Variants in SENP7 observed in about 807,000 individuals in gnomAD.
The protein encoded by SENP7 is sentrin-specific protease 7.
Under a neutral mutation model 141.2 loss-of-function variants are expected in SENP7, and 64 were observed. The observed-to-expected ratio is 0.45, with a 90% CI of 0.37 to 0.56. The LOEUF is 0.56. SENP7 is among the 20% of genes least tolerant of loss of function. The probability of loss-of-function intolerance (pLI) is 0.00; values close to 1 mark genes in which losing one functional copy is unlikely to be tolerated. For synonymous variants in SENP7, 382 were observed against 426.4 expected (o/e 0.90, Z 1.28); for missense variants, 1,025 against 1,212.2 (o/e 0.85, Z 2.29).
At chr3:101,427,951 G>GT (rs150999630) in intron 4 of SENP7, among the ~76,000 whole-genome samples, 20,965 of 151,946 alleles carry the variant, frequency 0.14, 1,477 homozygotes, top group South Asian at 0.18. Context: ...GCAGTGTTTT[G>GT]TTTTCTCTTC....
intron 11 of SENP7, chr3:101,359,277 C>T (rs978144019): frequency 1.3e-5 from 2 of 151,838 alleles, no homozygotes; most frequent in Non-Finnish European, 2.9e-5. Context: ...GCCATTAATG[C>T]TAGTGATTTT....
chr3:101,416,355 T>A (rs2107652426), intron 5 of SENP7, among the ~76,000 whole-genome samples: 1 of 152,278 alleles, frequency 6.6e-6, no homozygotes, highest in East Asian at 1.9e-4. Context: ...CTGTTCTGAT[T>A]GGAAAAAGGA....
chr3:101,450,912 T>C (rs1369892332), intron 4 of SENP7, among the ~76,000 whole-genome samples: 4 of 151,916 alleles, frequency 2.6e-5, no homozygotes, highest in Non-Finnish European at 4.4e-5. Context: ...TCAAAAAAAA[T>C]AAATGAATCC....
chr3:101,327,594 C>G, intron 23 of SENP7, 72 bp downstream of exon 23: 1 of 1,183,902 alleles, frequency 8.4e-7, no homozygotes. Context: ...TGAGAACGGA[C>G]TATTACACCC....
chr3:101,353,685 C>T (rs1424075357), intron 11 of SENP7, among the ~76,000 whole-genome samples: 2 of 151,942 alleles, frequency 1.3e-5, no homozygotes, highest in East Asian at 3.9e-4. Context: ...CTCGTACTAT[C>T]AACAAAGACT....
intron 15 of SENP7, 178 bp from the exon 16 acceptor site, chr3:101,340,389 A>G (rs1382539368): frequency 2.8e-6 from 2 of 712,874 alleles, no homozygotes; most frequent in Non-Finnish European, 4.3e-6. Flanking sequence ...ACAAGCTACT[A>G]ATGGTACTCC....
intron 3 of SENP7, among the ~76,000 whole-genome samples, chr3:101,488,129 T>C (rs1413014797): frequency 6.6e-6 from 1 of 152,168 alleles, no homozygotes. Flanking sequence ...TCATCTCTGA[T>C]TTTTTTCTGC....
chr3:101,402,616 C>CAAAAAAAAAA (rs58525002), intron 5 of SENP7, among the ~76,000 whole-genome samples: 2 of 93,654 alleles, frequency 2.1e-5, no homozygotes, highest in African/African-American at 8.6e-5. Flanking sequence ...GACTCCGTCT[C>CAAAAAAAAAA]AAAAAAAAAA....
chr3:101,357,463 C>T, intron 11 of SENP7: 2 of 1,199,270 alleles, frequency 1.7e-6, no homozygotes, highest in Non-Finnish European at 2.3e-6. Flanking sequence ...AGATGATTGC[C>T]AGACCCCCAG....
chr3:101,385,839 C>T (rs575027827), intron 6 of SENP7, among the ~76,000 whole-genome samples: 4 of 152,140 alleles, frequency 2.6e-5, no homozygotes, highest in African/African-American at 9.7e-5. Flanking sequence ...ACTGTAAAAA[C>T]TAAAAAAGGT....
chr3:101,472,711 T>G (rs2064053692), intron 3 of SENP7, among the ~76,000 whole-genome samples: 2 of 151,854 alleles, frequency 1.3e-5, no homozygotes, highest in African/African-American at 4.8e-5. Flanking sequence ...AATAGAGAAA[T>G]AGAGATATAA....
intron 5 of SENP7, chr3:101,414,717 G>C: frequency 1.3e-6 from 1 of 780,694 alleles, no homozygotes; most frequent in Non-Finnish European, 2.0e-6. Flanking sequence ...TTTAAGCAAA[G>C]TTTATGAATG....
chr3:101,359,160 A>G (rs942167242), intron 11 of SENP7: 3 of 151,854 alleles, frequency 2.0e-5, no homozygotes, highest in African/African-American at 4.8e-5. Context: ...CAAAACTCCT[A>G]CAAGTATAAA....
At chr3:101,347,734 A>AAAAAG (rs1163267701) in intron 13 of SENP7, 138 bp downstream of exon 13, 1 of 528,124 alleles carries the variant, frequency 1.9e-6, no homozygotes, top group African/African-American at 2.0e-5. Context: ...AAAAAAAAAA[A>AAAAAG]AAAAGAAACA....
At chr3:101,330,048 CATAA>C (rs1239136773) in intron 20 of SENP7, among the ~76,000 whole-genome samples, 11 of 151,314 alleles carry the variant, frequency 7.3e-5, no homozygotes, top group Non-Finnish European at 1.2e-4. Context: ...AAGTTACTGA[CATAA>C]ATAAAAGTGA....
At chr3:101,447,663 T>C (rs1192390794) in intron 4 of SENP7, among the ~76,000 whole-genome samples, 2 of 152,184 alleles carry the variant, frequency 1.3e-5, no homozygotes, top group African/African-American at 4.8e-5. Context: ...TATTCCCCAA[T>C]TTAGTCTACA....
intron 16 of SENP7, among the ~76,000 whole-genome samples, chr3:101,339,062 AAAT>A (rs1575998435): frequency 6.6e-6 from 1 of 152,234 alleles, no homozygotes; most frequent in South Asian, 2.1e-4. Flanking sequence ...AATTAGCAGA[AAAT>A]AATATTAAAA....
At chr3:101,468,615 A>G (rs1256210853) in intron 3 of SENP7, among the ~76,000 whole-genome samples, 3 of 152,228 alleles carry the variant, frequency 2.0e-5, no homozygotes, top group Non-Finnish European at 2.9e-5. Flanking sequence ...ACTAAGCTTC[A>G]TAAGTGAAGG....
intron 6 of SENP7, among the ~76,000 whole-genome samples, chr3:101,395,769 T>C (rs1388284296): frequency 1.3e-5 from 2 of 152,244 alleles, no homozygotes; most frequent in African/African-American, 4.8e-5. Flanking sequence ...GCAATGGTGA[T>C]GACGATAAGT....
Sources: allele counts gnomAD v4.1 joint callset (sites outside exome capture counted in the v4.1 genomes callset), GRCh38; gene constraint gnomAD v4.1.1; transcripts MANE v1.5; gene names NCBI Gene and HGNC (gene_info 2026-07-23, HGNC 2026-07-21).